The following CDH20 variants were observed in gnomAD, a reference collection of about 807,000 sequenced individuals.
CDH20 encodes the protein cadherin 20, also known as cadherin-20.
CDH20 carries 29 observed loss-of-function variants against 74.2 expected under a neutral mutation model. That is an observed-to-expected ratio of 0.39 (90% confidence interval 0.29 to 0.53). The LOEUF (loss-of-function observed/expected upper bound fraction) is 0.53. Among genes scored for constraint, CDH20 ranks in the 20% least tolerant of loss-of-function variants. CDH20 has a pLI of 0.69. For synonymous variants in CDH20, 469 were observed against 405.4 expected, an observed-to-expected ratio of 1.16 and a Z score of -1.88; for missense variants, 988 against 1,048.3, an observed-to-expected ratio of 0.94 and a Z score of 0.79.
intron 7 of CDH20, 45 bp downstream of exon 7, chr18:61,528,265 CCT>C: frequency 1.3e-6 from 2 of 1,586,922 alleles, no homozygotes; most frequent in South Asian, 2.2e-5. Flanking sequence ...TGGAATCTTC[CCT>C]TCCCTTGTAT....
intron 7 of CDH20, among the ~76,000 whole-genome samples, chr18:61,532,042 C>T (rs895283420): frequency 6.6e-6 from 1 of 152,220 alleles, no homozygotes; most frequent in African/African-American, 2.4e-5. Context: ...CTTAGACAAT[C>T]TCTTATAGAC....
intron 7 of CDH20, among the ~76,000 whole-genome samples, chr18:61,534,855 A>C (rs1039166649): frequency 3.3e-5 from 5 of 152,220 alleles, no homozygotes; most frequent in African/African-American, 1.2e-4. Flanking sequence ...GTATATTTCA[A>C]AATAGCTAAA....
chr18:61,416,456 A>C (rs896833357), intron 1 of CDH20, among the ~76,000 whole-genome samples: 4 of 152,220 alleles, frequency 2.6e-5, no homozygotes, highest in African/African-American at 9.6e-5. Context: ...GAGACAGTCC[A>C]ACCTTAGAAA....
At chr18:61,508,644 T>C (rs1911667196) in intron 6 of CDH20, among the ~76,000 whole-genome samples, 1 of 151,782 alleles carries the variant, frequency 6.6e-6, no homozygotes, top group African/African-American at 2.4e-5. Context: ...TTATTATTAT[T>C]TTTCATGTTC....
chr18:61,515,295 C>T (rs917595686), intron 6 of CDH20, among the ~76,000 whole-genome samples: 27 of 152,082 alleles, frequency 1.8e-4, no homozygotes, highest in African/African-American at 5.3e-4. Flanking sequence ...TTCTTTGACT[C>T]GGAAAGGGAA....
At chr18:61,546,164 C>T (rs188475844) in intron 10 of CDH20, among the ~76,000 whole-genome samples, 3 of 152,246 alleles carry the variant, frequency 2.0e-5, no homozygotes, top group Admixed American at 6.5e-5. Context: ...ATTTTCATTC[C>T]GATTCTAAAA....
At chr18:61,337,739 A>G (rs1197541509) in intron 1 of CDH20, among the ~76,000 whole-genome samples, 1 of 152,214 alleles carries the variant, frequency 6.6e-6, no homozygotes, top group East Asian at 1.9e-4. Flanking sequence ...ACTACTGCAA[A>G]TGAAGACATA....
chr18:61,507,206 G>A lies in CDH20; in HGVS notation c.830-167G>A, dbSNP rs575418927. Among the ~76,000 whole-genome samples, 11 of 152,154 alleles carry A rather than the reference G, an allele frequency of 7.2e-5. No individual in the cohort carries two copies. The South Asian group carries it at 1.0e-3, about 14-fold the overall frequency. On this transcript the variant is annotated intron_variant, in intron 5 of 11. Transcript: ENST00000262717. Reference sequence around the variant, plus strand: ...AATACAGGCTATGGCCTGTATGACCGTTTGCTCAGCCTTTCTGGACCTTAG... The same window carrying A: ...AATACAGGCTATGGCCTGTATGACCATTTGCTCAGCCTTTCTGGACCTTAG...
At chr18:61,459,818 C>G (rs1445534810) in intron 1 of CDH20, among the ~76,000 whole-genome samples, 1 of 152,146 alleles carries the variant, frequency 6.6e-6, no homozygotes, top group Non-Finnish European at 1.5e-5. Context: ...AGGTTATTAA[C>G]TAGGAATACT....
chr18:61,554,152 C>G, intron 11 of CDH20, 38 bp from the exon 12 acceptor site: 1 of 1,579,524 alleles, frequency 6.3e-7, no homozygotes, highest in Non-Finnish European at 8.6e-7. Context: ...ACAGCCACAT[C>G]TCCTCGGTAA....
At chr18:61,506,578 T>A (rs917562683) in intron 5 of CDH20, among the ~76,000 whole-genome samples, 1 of 152,114 alleles carries the variant, frequency 6.6e-6, no homozygotes. Flanking sequence ...ACAAAAAACG[T>A]CAAAAAGTTG....
At chr18:61,434,107 G>A (rs1373698105) in intron 1 of CDH20, among the ~76,000 whole-genome samples, 1 of 152,138 alleles carries the variant, frequency 6.6e-6, no homozygotes, top group East Asian at 1.9e-4. Flanking sequence ...GACATAAGCA[G>A]CCTGTGTGTT....
Position 61,555,573 on chromosome 18 carries a change from C to T in CDH20, c.*878C>T. ...ACAAAAGCATGGGTTAGAGGGCTTT[C>T]CTAATCTGTGTGAGGTCAATCCAAG... is the stretch of plus-strand genomic sequence containing the variant. On this transcript the variant is annotated 3_prime_UTR_variant, in exon 12 of 12. Coordinates refer to ENST00000262717, the MANE Select transcript of CDH20 (RefSeq NM_031891.4). 2 of 985,226 alleles carry T rather than the reference C, an allele frequency of 2.0e-6. No individual in the cohort carries two copies. The highest frequency in any genetic ancestry group is 2.4e-6 in the Non-Finnish European group (2 of 829,822). The allele number at this position is 985,226 out of a possible 1,614,324, so 61.0% of individuals were successfully genotyped here.
At chr18:61,430,952 T>C (rs1256914888) in intron 1 of CDH20, among the ~76,000 whole-genome samples, 1 of 152,162 alleles carries the variant, frequency 6.6e-6, no homozygotes, top group African/African-American at 2.4e-5. Context: ...CTAGGTGTGC[T>C]TGTATTTACA....
At chr18:61,401,352 G>T (rs1167680810) in intron 1 of CDH20, among the ~76,000 whole-genome samples, 1 of 152,202 alleles carries the variant, frequency 6.6e-6, no homozygotes, top group Admixed American at 6.5e-5. Context: ...TATTTATTGC[G>T]TTATGTTACA....
chr18:61,528,007 T>C lies in CDH20; in HGVS notation c.1058T>C (p.Val353Ala). Residue 353 changes from valine to alanine, a missense_variant, in exon 7 of 12, where the codon GTG becomes GCG. Coordinates refer to ENST00000262717, the MANE Select transcript of CDH20 (RefSeq NM_031891.4). ...AGCAAGAAAAGCTACACCTTAAAGG[T>C]GGAGGGAGCCAATCCTCACCTAGAG... Reference protein sequence around the residue: ...FESKKSYTLKVEGANPHLEMR... With the variant: ...FESKKSYTLKAEGANPHLEMR... The C allele has an allele frequency of 1.2e-6, 2 of 1,614,036 alleles. No individual in the cohort carries two copies. The highest frequency in any genetic ancestry group is 8.5e-7 in the Non-Finnish European group (1 of 1,179,962).
intron 3 of CDH20, 118 bp downstream of exon 3, chr18:61,499,598 T>A: frequency 1.2e-6 from 1 of 844,776 alleles, no homozygotes; most frequent in Non-Finnish European, 1.8e-6. Context: ...CAGGAGAGCA[T>A]GAGAGGAGAA....
At chr18:61,360,989 T>G (rs1260302670) in intron 1 of CDH20, among the ~76,000 whole-genome samples, 2 of 152,248 alleles carry the variant, frequency 1.3e-5, no homozygotes, top group African/African-American at 4.8e-5. Flanking sequence ...TTGAAGCAAG[T>G]GTGCATGTTA....
chr18:61,490,917 C>T (rs1293935421), intron 2 of CDH20, 118 bp downstream of exon 2: 5 of 1,043,742 alleles, frequency 4.8e-6, no homozygotes, highest in Admixed American at 2.1e-5. Flanking sequence ...ACAAGTGGTA[C>T]GTTACTTGAC....
Sources: gnomAD v4.1 joint callset for allele counts (sites outside exome capture counted in the v4.1 genomes callset) on GRCh38, gnomAD v4.1.1 for gene constraint, MANE v1.5 for transcripts, NCBI Gene and HGNC (gene_info 2026-07-23, HGNC 2026-07-21) for gene names.